Variants in ARID4A observed in about 807,000 individuals in gnomAD.
The protein encoded by ARID4A is AT-rich interactive domain-containing protein 4A.
Under a neutral mutation model 148.6 loss-of-function variants are expected in ARID4A, and 39 were observed. That is an observed-to-expected ratio of 0.26 (90% confidence interval 0.20 to 0.34). ARID4A has a LOEUF of 0.34. Ranked by LOEUF, ARID4A falls within the 10% of genes least tolerant of loss-of-function variation. ARID4A has a pLI of 1.00. For synonymous variants in ARID4A, 475 were observed against 481.2 expected, an observed-to-expected ratio of 0.99 and a Z score of 0.17; for missense variants, 1,265 against 1,449.1, an observed-to-expected ratio of 0.87 and a Z score of 2.06.
At chr14:58,341,914 A>T (rs2034134941) in intron 11 of ARID4A, among the ~76,000 whole-genome samples, 1 of 152,140 alleles carries the variant, frequency 6.6e-6, no homozygotes, top group Non-Finnish European at 1.5e-5. Flanking sequence ...GGTCTAGTGG[A>T]CCTCTACCTC....
At chr14:58,324,822 A>G (rs1027429325) in intron 8 of ARID4A, among the ~76,000 whole-genome samples, 7 of 152,202 alleles carry the variant, frequency 4.6e-5, no homozygotes, top group African/African-American at 1.7e-4. Context: ...ATTAGTATTT[A>G]CTGAGGATCT....
At chr14:58,367,323 A>G (rs529777467) in intron 23 of ARID4A, among the ~76,000 whole-genome samples, 1 of 152,344 alleles carries the variant, frequency 6.6e-6, no homozygotes, top group African/African-American at 2.4e-5. Flanking sequence ...ATTTATTGGC[A>G]TCTATTAACA....
chr14:58,339,984 C>G lies in ARID4A; in HGVS notation c.907-4711C>G, dbSNP rs557516339. Among the ~76,000 whole-genome samples, 552 of 152,194 alleles carry G rather than the reference C, an allele frequency of 3.6e-3. 5 individuals are homozygous for G. Among genetic ancestry groups the G allele is most frequent in the African/African-American group, 0.013 (519 of 41,512 alleles). On this transcript the variant is annotated intron_variant, in intron 11 of 23. Coordinates refer to ENST00000355431, the MANE Select transcript of ARID4A (RefSeq NM_002892.4). The stretch of plus-strand genomic sequence containing the variant: ...GAAATCTGCCCCATGATCCAATCAC[C>G]TCCCACCAGGTCCCTCCCCGAGTAT...
At chr14:58,318,088 G>A (rs2032592343) in intron 5 of ARID4A, among the ~76,000 whole-genome samples, 1 of 152,102 alleles carries the variant, frequency 6.6e-6, no homozygotes, top group Non-Finnish European at 1.5e-5. Context: ...AGGTTATCAT[G>A]CAAATAAATA....
At chr14:58,354,554 G>A (rs1033335301) in intron 17 of ARID4A, among the ~76,000 whole-genome samples, 2 of 152,016 alleles carry the variant, frequency 1.3e-5, no homozygotes, top group African/African-American at 4.8e-5. Context: ...ATGGTGGCAC[G>A]CACCTGTAGT....
chr14:58,353,909 A>G (rs2034751630), intron 17 of ARID4A, 54 bp downstream of exon 17: 1 of 1,436,248 alleles, frequency 7.0e-7, no homozygotes, highest in Non-Finnish European at 9.7e-7. Context: ...ATTAAATAGA[A>G]CATCAACTTA....
At chr14:58,351,362 T>TCCAGAAGCA (rs2034630831) in intron 16 of ARID4A, 39 bp downstream of exon 16, 1 of 1,570,328 alleles carries the variant, frequency 6.4e-7, no homozygotes, top group South Asian at 1.2e-5. Context: ...AGCACCTGTC[T>TCCAGAAGCA]GGGGTACAAC....
intron 12 of ARID4A, among the ~76,000 whole-genome samples, chr14:58,345,301 G>A (rs2034306405): frequency 6.6e-6 from 1 of 152,090 alleles, no homozygotes; most frequent in Admixed American, 6.6e-5. Flanking sequence ...ATACAATTTA[G>A]TTTTCCCTGT....
Position 58,299,786 on chromosome 14 carries a change from C to G in ARID4A, c.-57-12C>G. The G allele has an allele frequency of 6.2e-7, 1 of 1,610,492 alleles. No homozygotes were observed. The highest frequency in any genetic ancestry group is 2.2e-5 in the East Asian group (1 of 44,872). On this transcript the variant is annotated splice_polypyrimidine_tract_variant and intron_variant, in intron 1 of 23. Transcript: ENST00000355431. ...TGATTATGTCTGTGCCTGTCTTTCCCCCTCCCCATAGTTCTAGCGACTGCG... is the reference window on the plus strand; with the variant it reads ...TGATTATGTCTGTGCCTGTCTTTCCGCCTCCCCATAGTTCTAGCGACTGCG...
At chr14:58,354,688 TAAA>T (rs201953201) in intron 17 of ARID4A, among the ~76,000 whole-genome samples, 3 of 123,438 alleles carry the variant, frequency 2.4e-5, no homozygotes, top group African/African-American at 3.1e-5. Flanking sequence ...GTCTCATAAA[TAAA>T]AAAAAAAAAA....
At chr14:58,306,172 G>T in intron 5 of ARID4A, 60 bp downstream of exon 5, 1 of 1,153,838 alleles carries the variant, frequency 8.7e-7, no homozygotes, top group Non-Finnish European at 1.3e-6. Context: ...TCTGTGTTTT[G>T]TGGATACACT....
At chr14:58,342,849 G>A (rs1021423255) in intron 11 of ARID4A, among the ~76,000 whole-genome samples, 7 of 152,084 alleles carry the variant, frequency 4.6e-5, no homozygotes, top group Admixed American at 4.6e-4. Context: ...GGAGGCAGAG[G>A]GTTGCACTGA....
chr14:58,349,606 C>T (rs760754702), intron 15 of ARID4A, among the ~76,000 whole-genome samples: 2 of 152,118 alleles, frequency 1.3e-5, no homozygotes, highest in Non-Finnish European at 2.9e-5. Flanking sequence ...CCCAGCTACT[C>T]AGGACGCTGA....
intron 19 of ARID4A, among the ~76,000 whole-genome samples, chr14:58,363,010 AC>A (rs1307404082): frequency 6.6e-6 from 1 of 152,240 alleles, no homozygotes. Flanking sequence ...CCATCTGCTG[AC>A]AAATGTTTAA....
chr14:58,321,981 G>GT (rs1339335089), intron 7 of ARID4A, among the ~76,000 whole-genome samples: 1 of 150,844 alleles, frequency 6.6e-6, no homozygotes, highest in Non-Finnish European at 1.5e-5. Flanking sequence ...TTGTTTGTTT[G>GT]TTTTTTTGAG....
chr14:58,304,618 C>A (rs992213102), intron 3 of ARID4A, among the ~76,000 whole-genome samples: 2 of 151,994 alleles, frequency 1.3e-5, no homozygotes, highest in African/African-American at 4.8e-5. Context: ...GCAATCAGAA[C>A]CTTTTGTGAC....
chr14:58,369,778 G>A (rs960281356), intron 23 of ARID4A, among the ~76,000 whole-genome samples: 1 of 152,058 alleles, frequency 6.6e-6, no homozygotes. Context: ...TGGCAAACAA[G>A]GAATCCTACA....
At chr14:58,361,160 CTTCCATTG>C in intron 19 of ARID4A, 118 bp downstream of exon 19, 2 of 1,410,378 alleles carry the variant, frequency 1.4e-6, no homozygotes, top group Non-Finnish European at 9.4e-7. Flanking sequence ...AATAATAAAA[CTTCCATTG>C]TGTGAAATAT....
At chr14:58,314,497 C>T (rs2032273359) in intron 5 of ARID4A, among the ~76,000 whole-genome samples, 1 of 152,198 alleles carries the variant, frequency 6.6e-6, no homozygotes, top group Admixed American at 6.5e-5. Flanking sequence ...GCAATTATAG[C>T]TCCCTGCATC....
Sources: gnomAD v4.1 joint callset for allele counts (sites outside exome capture counted in the v4.1 genomes callset) on GRCh38, gnomAD v4.1.1 for gene constraint, MANE v1.5 for transcripts, NCBI Gene and HGNC (gene_info 2026-07-23, HGNC 2026-07-21) for gene names.